Variants in SRPRA observed in about 807,000 individuals in gnomAD.
SRPRA encodes the protein SRP receptor subunit alpha.
Under a neutral mutation model 61.1 loss-of-function variants are expected in SRPRA, and 30 were observed. The observed-to-expected ratio is 0.49, with a 90% CI of 0.37 to 0.67. The LOEUF (loss-of-function observed/expected upper bound fraction) is 0.67. Among genes scored for constraint, SRPRA ranks in the 30% least tolerant of loss-of-function variants. The probability of loss-of-function intolerance (pLI) is 0.00; values close to 1 mark genes in which losing one functional copy is unlikely to be tolerated. For synonymous variants in SRPRA, 324 were observed against 299.7 expected (o/e 1.08, Z -0.84); for missense variants, 759 against 828.4 (o/e 0.92, Z 1.03).
the SRPRA span, chr11:126,241,247 A>C: frequency 2.0e-6 from 1 of 491,282 alleles, no homozygotes; most frequent in East Asian, 3.0e-5. Flanking sequence ...ACCCCATTTC[A>C]CTGTGTGTCT....
the SRPRA span, chr11:126,244,885 G>A: frequency 1.3e-5 from 2 of 152,088 alleles, no homozygotes; most frequent in Non-Finnish European, 2.9e-5. The surrounding 1 kb of genome is among the most constrained non-coding windows in gnomAD (Gnocchi z 4.5). Flanking sequence ...CTAAATAAAT[G>A]GAAAGACATG....
At chr11:126,250,126 C>T in the SRPRA span, among the ~76,000 whole-genome samples, 1,137 of 149,598 alleles carry the variant, frequency 7.6e-3, 13 homozygotes, top group African/African-American at 0.026. This position sits in a 1 kb window ranked among gnomAD's most constrained non-coding sequence, Gnocchi z 5.1. Context: ...GAGTCTCGCT[C>T]CGTCGCCCAG....
At chr11:126,259,648 G>A (rs1476011662), downstream of SRPRA, among the ~76,000 whole-genome samples, 4 of 149,864 alleles carry the variant, frequency 2.7e-5, no homozygotes, top group East Asian at 2.0e-4. Flanking sequence ...GATGGTCTCG[G>A]TCTCCTGACC....
At chr11:126,241,150 T>G in the SRPRA span, 1 of 1,206,542 alleles carries the variant, frequency 8.3e-7, no homozygotes, top group South Asian at 1.5e-5. Flanking sequence ...GTAACAGGGA[T>G]ATTCATTTAC....
chr11:126,266,880 T>C lies in SRPRA; in HGVS notation c.569A>G (p.Glu190Gly), dbSNP rs1223910138. Residue 190 changes from glutamate to glycine, a missense_variant, in exon 5 of 14, where the codon GAA (glutamate) becomes GGA (glycine). By Grantham distance (98) the Glu-to-Gly change is moderately conservative. Transcript: ENST00000332118. ...PLATSKPVPAEKSGLPVGPEN... is the reference protein window; with the variant it reads ...PLATSKPVPAGKSGLPVGPEN... ...AGGACCCACTGGAAGACCTGACTTT[T>C]CTGCAGGGACTGGTTTGCTGGTAGC... 2 of 1,614,204 alleles carry C rather than the reference T, an allele frequency of 1.2e-6. No individual in the cohort carries two copies. Among genetic ancestry groups the C allele is most frequent in the Non-Finnish European group, 1.7e-6 (2 of 1,180,036 alleles).
At chr11:126,248,815 G>A in the SRPRA span, among the ~76,000 whole-genome samples, 1 of 152,214 alleles carries the variant, frequency 6.6e-6, no homozygotes, top group Non-Finnish European at 1.5e-5. Context: ...TTGGGGTTAA[G>A]TTTCCAACAC....
Position 126,265,075 on chromosome 11 carries a change from C to A in SRPRA, c.1409G>T (p.Arg470Leu), listed in dbSNP as rs865950252. The change falls in exon 11 of 14, where the codon CGG becomes CTG. Residue 470 changes from arginine to leucine, a missense_variant. Physicochemically the swap from Arg to Leu is moderately radical, Grantham distance 102. Transcript: ENST00000332118. The surrounding 1 kb of genome is among the most constrained non-coding windows in gnomAD (Gnocchi z 6.3). ...GAVEQLRTHT[R>L]RLSALHPPEK... The stretch of plus-strand genomic sequence containing the variant: ...TGGAGGGTGTAGGGCACTCAAACGC[C>A]GGGTGTGTGTACGCAGCTGCTCCAC... The A allele has an allele frequency of 6.2e-7, 1 of 1,614,016 alleles. No homozygotes were observed. Among genetic ancestry groups the A allele is most frequent in the African/African-American group, 1.3e-5 (1 of 74,890 alleles).
the SRPRA span, among the ~76,000 whole-genome samples, chr11:126,238,497 TA>T: frequency 5.9e-5 from 9 of 152,146 alleles, no homozygotes; most frequent in African/African-American, 2.2e-4. Flanking sequence ...GGATGGGGGA[TA>T]GGGGTGCAGG....
the SRPRA span, chr11:126,250,874 T>C: frequency 3.2e-6 from 2 of 626,088 alleles, no homozygotes; most frequent in Non-Finnish European, 5.5e-6. The surrounding 1 kb of genome is among the most constrained non-coding windows in gnomAD (Gnocchi z 5.1). Context: ...TTTGTTTTTC[T>C]TTTTTCTTTC....
At chr11:126,253,975 T>C in the SRPRA span, among the ~76,000 whole-genome samples, 5 of 152,164 alleles carry the variant, frequency 3.3e-5, no homozygotes, top group African/African-American at 1.2e-4. This position sits in a 1 kb window ranked among gnomAD's most constrained non-coding sequence, Gnocchi z 5.1. Context: ...AGAGGCTTGA[T>C]TTCTTGGGGC....
At position 126,267,502 on chromosome 11, in the gene SRPRA, A is replaced by G. The variant is rs116090154; in HGVS notation, c.365+47T>C. 144 of 1,611,010 alleles carry G rather than the reference A, an allele frequency of 8.9e-5. No homozygotes were observed. In the African/African-American group the frequency reaches 1.8e-3, roughly 20 times the overall value. On this transcript the variant is annotated intron_variant, in intron 3 of 13. Coordinates refer to ENST00000332118, the MANE Select transcript of SRPRA (RefSeq NM_003139.4). This position sits in a 1 kb window ranked among gnomAD's most constrained non-coding sequence, Gnocchi z 4.2. The stretch of plus-strand genomic sequence containing the variant: ...CCTTTGAACCACCTTCAGAGAGGTC[A>G]TCAAATCATGGAAATAAATTGATTT...
At chr11:126,244,683 A>C in the SRPRA span, among the ~76,000 whole-genome samples, 1 of 152,150 alleles carries the variant, frequency 6.6e-6, no homozygotes, top group African/African-American at 2.4e-5. This position sits in a 1 kb window ranked among gnomAD's most constrained non-coding sequence, Gnocchi z 4.5. Flanking sequence ...GGGTGCCTAT[A>C]ATCCCAGCTA....
At position 126,268,705 on chromosome 11, in the gene SRPRA, G is replaced by C. The variant is rs776062727; in HGVS notation, c.100C>G (p.Arg34Gly). The C allele has an allele frequency of 1.2e-6, 2 of 1,613,646 alleles. No homozygotes were observed. The highest frequency in any genetic ancestry group is 1.7e-6 in the Non-Finnish European group (2 of 1,179,914). The change falls in exon 1 of 14, where the codon CGT (arginine) becomes GGT (glycine). Residue 34 changes from arginine (R) to glycine (G), a missense_variant. Physicochemically the swap from Arg to Gly is moderately radical, Grantham distance 125 (BLOSUM62 -2). Around this residue, in one of 2 missense-constraint regions of SRPRA, gnomAD observed 475 missense variants for 462.5 expected, o/e 1.03. Coordinates refer to ENST00000332118, the MANE Select transcript of SRPRA (RefSeq NM_003139.4). The part of the protein sequence containing the change: ...SCTGPVNALI[R>G]SVLLQERGGN... The stretch of plus-strand genomic sequence containing the variant: ...GACGGTACCTGCAGCAGCACGGAAC[G>C]AATCAACGCGTTAACGGGTCCGGTG...
At chr11:126,237,215 CT>C in the SRPRA span, among the ~76,000 whole-genome samples, 2,368 of 43,200 alleles carry the variant, frequency 0.055, 127 homozygotes, top group African/African-American at 0.18. Context: ...CGCGCCTGGC[CT>C]TTTTTTTTTT....
At position 126,263,565 on chromosome 11, in the gene SRPRA, G is replaced by A; in HGVS notation, c.*351C>T. The stretch of plus-strand genomic sequence containing the variant: ...ATGCAGCTGGGACTCATTAGGCTCA[G>A]ACGGCTCTTGACCACACTAATTATT... On this transcript the variant is annotated 3_prime_UTR_variant, in exon 14 of 14. Transcript: ENST00000332118. 1 of 213,596 alleles carries A rather than the reference G, an allele frequency of 4.7e-6. No homozygotes were observed. The highest frequency in any genetic ancestry group is 9.6e-6 in the Non-Finnish European group (1 of 104,696). 13.2% of individuals were successfully genotyped at this position (213,596 alleles called of 1,614,324 possible). A position where few individuals can be genotyped will look rare whatever the true frequency, so the allele number is the denominator to read the frequency against.
chr11:126,252,712 C>T, the SRPRA span, among the ~76,000 whole-genome samples: 1 of 151,910 alleles, frequency 6.6e-6, no homozygotes, highest in Non-Finnish European at 1.5e-5. The surrounding 1 kb of genome is among the most constrained non-coding windows in gnomAD (Gnocchi z 4.7). Context: ...TGTTGCACTC[C>T]AGCCTGGGTG....
rs768468626 is a variant in SRPRA, at chr11:126,267,586, T to G, written c.328A>C (p.Thr110Pro). 3 of 1,614,132 alleles carry G rather than the reference T, an allele frequency of 1.9e-6. No homozygotes were observed. The highest frequency in any genetic ancestry group is 2.5e-6 in the Non-Finnish European group (3 of 1,180,036). Residue 110 changes from threonine to proline, a missense_variant, in exon 3 of 14, where the codon ACT (threonine) becomes CCT (proline). Physicochemically the swap from Thr to Pro is conservative, Grantham distance 38. This residue lies in a region of SRPRA where 475 missense variants were observed against 462.5 expected (regional missense o/e 1.03). Coordinates refer to ENST00000332118, the MANE Select transcript of SRPRA (RefSeq NM_003139.4). The surrounding 1 kb of genome is among the most constrained non-coding windows in gnomAD (Gnocchi z 4.2). ...QQSALSLLNGTFDFQNDFLRL... is the reference protein window; with the variant it reads ...QQSALSLLNGPFDFQNDFLRL... ...AGGAAGTCATTTTGGAAATCAAAAG[T>G]GCCATTTAATAAACTTAAAGCACTT... is the stretch of plus-strand genomic sequence containing the variant.
chr11:126,253,055 T>G, the SRPRA span, among the ~76,000 whole-genome samples: 3 of 152,314 alleles, frequency 2.0e-5, no homozygotes, highest in South Asian at 6.2e-4. The surrounding 1 kb of genome is among the most constrained non-coding windows in gnomAD (Gnocchi z 5.1). Context: ...AACAAATGAT[T>G]GAAATTTTAA....
At chr11:126,254,011 T>A in the SRPRA span, among the ~76,000 whole-genome samples, 1 of 152,186 alleles carries the variant, frequency 6.6e-6, no homozygotes, top group African/African-American at 2.4e-5. Flanking sequence ...TGTCCATAGC[T>A]CTCATGCATG....
Sources: gnomAD v4.1 joint callset for allele counts (sites outside exome capture counted in the v4.1 genomes callset) on GRCh38, gnomAD v4.1.1 for gene constraint, gnomAD v4.1.1 regional missense constraint, Gnocchi (gnomAD v3.1) non-coding constraint, MANE v1.5 for transcripts, NCBI Gene and HGNC (gene_info 2026-07-23, HGNC 2026-07-21) for gene names.